PSG1: variants seen among roughly 807,000 people sequenced by gnomAD.
PSG1 encodes the protein pregnancy-specific beta-1-glycoprotein 1.
Under a neutral mutation model 41.4 loss-of-function variants are expected in PSG1, and 60 were observed. The ratio of observed to expected loss-of-function variants is 1.45; its 90% CI spans 1.18 to 1.80. PSG1 has a LOEUF of 1.80. PSG1 is among the 40% of genes most tolerant of loss of function. The pLI is 0.00. For synonymous variants in PSG1, 256 were observed against 192.9 expected (o/e 1.33, Z -2.71); for missense variants, 806 against 516.9 (o/e 1.56, Z -5.42).
At chr19:42,867,979 T>C in intron 5 of PSG1, 122 bp downstream of exon 5, 1 of 1,601,174 alleles carries the variant, frequency 6.2e-7, no homozygotes, top group Non-Finnish European at 8.5e-7. Flanking sequence ...GGAGGAGAAT[T>C]TGGGATTTGC....
chr19:42,868,430 C>T, intron 4 of PSG1, 75 bp from the exon 5 acceptor site: 3 of 1,484,008 alleles, frequency 2.0e-6, no homozygotes, highest in Non-Finnish European at 2.7e-6. Context: ...TAAAGGGACA[C>T]AGTGACCCTC....
chr19:42,868,389 C>A lies in PSG1; in HGVS notation c.989-34G>T, dbSNP rs374598098. ...AAGAGAATAAAGCCACAGGTGATGT[C>A]ATCTGAGGGAAGGGGATGTTCCTGG... On this transcript the variant is annotated intron_variant, in intron 4 of 5. Coordinates refer to ENST00000436291, the MANE Select transcript of PSG1 (RefSeq NM_001184825.2). The A allele has an allele frequency of 6.5e-5, 103 of 1,579,024 alleles. 2 individuals carry two copies. The highest frequency in any genetic ancestry group is 8.1e-5 in the Non-Finnish European group (94 of 1,158,884).
At chr19:42,875,319 A>G (rs1467176654) in intron 2 of PSG1, among the ~76,000 whole-genome samples, 1 of 151,794 alleles carries the variant, frequency 6.6e-6, no homozygotes, top group African/African-American at 2.4e-5. Context: ...GTGAAAGACC[A>G]TGAGATTAAG....
intron 5 of PSG1, 77 bp from the exon 6 acceptor site, chr19:42,867,227 T>G: frequency 1.3e-6 from 1 of 759,086 alleles, no homozygotes; most frequent in Non-Finnish European, 2.4e-6. Flanking sequence ...AGTTTTTATT[T>G]TCCACATAAT....
Position 42,878,155 on chromosome 19 carries a change from G to C in PSG1, c.188C>G (p.Thr63Ser), listed in dbSNP as rs746791751. Residue 63 changes from threonine to serine, a missense_variant, in exon 2 of 6, where the codon ACC becomes AGC. Physicochemically the swap from Thr to Ser is moderately conservative, Grantham distance 58. Transcript: ENST00000436291. Reference sequence around the variant, plus strand: ...TTGCCCTTTGTACCAGATGTAGCCGGTAAGATTCTGGGGCAAATTGTGGAC... The same window carrying C: ...TTGCCCTTTGTACCAGATGTAGCCGCTAAGATTCTGGGGCAAATTGTGGAC... ...LLVHNLPQNL[T>S]GYIWYKGQMR... 1.2e-5 allele frequency: 19 copies of C among 1,612,276 alleles called. No individual in the cohort carries two copies. The highest frequency in any genetic ancestry group is 1.6e-5 in the Non-Finnish European group (19 of 1,179,178).
Position 42,868,331 on chromosome 19 carries a change from T to A in PSG1, c.1013A>T (p.Tyr338Phe), listed in dbSNP as rs765156442. The change falls in exon 5 of 6, where the codon TAC (tyrosine) becomes TTC (phenylalanine). Residue 338 changes from tyrosine (Y) to phenylalanine (F), a missense_variant. Tyr to Phe is a conservative substitution (Grantham distance 22). Transcript: ENST00000436291. The stretch of plus-strand genomic sequence containing the variant: ...TGAACGGTAATAGGTGAATGAAGGG[T>A]AAATTCTGGGGAGGTCTGGACCATC... ...VLYGPDLPRI[Y>F]PSFTYYRSGE... 3.1e-6 allele frequency: 5 copies of A among 1,611,024 alleles called. No homozygotes were observed. Among genetic ancestry groups the A allele is most frequent in the Non-Finnish European group, 4.2e-6 (5 of 1,178,440 alleles).
chr19:42,875,519 G>A (rs1299644269), intron 2 of PSG1, among the ~76,000 whole-genome samples: 1 of 151,558 alleles, frequency 6.6e-6, no homozygotes, highest in Non-Finnish European at 1.5e-5. Context: ...GCAACCGGCT[G>A]ACCTCATCCA....
At chr19:42,867,617 A>C (rs1971185801) in intron 5 of PSG1, 1 of 710,430 alleles carries the variant, frequency 1.4e-6, no homozygotes, top group African/African-American at 1.8e-5. Context: ...ACTTGTGCAA[A>C]TATGTGTATT....
In PSG1 at chr19:42,866,766, A is replaced by G. The variant is rs1971154003; in HGVS notation, c.*368T>C. 2 of 514,300 alleles carry G rather than the reference A, an allele frequency of 3.9e-6. No individual in the cohort carries two copies. Among genetic ancestry groups the G allele is most frequent in the Non-Finnish European group, 7.0e-6 (2 of 284,766 alleles). 31.9% of individuals were successfully genotyped at this position (514,300 alleles called of 1,614,324 possible). ...TATCTGACACTCTGTTGTTACTCTC[A>G]GAAGCTACTACATGTGAAATTCTAA... On this transcript the variant is annotated 3_prime_UTR_variant, in exon 6 of 6. Transcript: ENST00000436291.
At chr19:42,875,994 GA>G (rs1177952727) in intron 2 of PSG1, among the ~76,000 whole-genome samples, 9 of 151,176 alleles carry the variant, frequency 6.0e-5, no homozygotes, top group African/African-American at 2.2e-4. Flanking sequence ...GTGACCTGGG[GA>G]CATTGGCTCG....
In PSG1 at chr19:42,867,705, A is replaced by G. The variant is rs762429148; in HGVS notation, c.1243+396T>C. 7.3e-6 allele frequency: 6 copies of G among 816,346 alleles called. 1 individual carries two copies. The South Asian group carries it at 8.2e-5, about 11-fold the overall frequency. 50.6% of individuals were successfully genotyped at this position (816,346 alleles called of 1,614,324 possible). On this transcript the variant is annotated intron_variant, in intron 5 of 5. Transcript: ENST00000436291. ...GTAGAAAGCAAAAGTAAATGTTTCA[A>G]TTACGGTTCCCAGAAGTATAGTTTA...
At chr19:42,872,463 T>G (rs2122522883) in intron 2 of PSG1, among the ~76,000 whole-genome samples, 1 of 151,804 alleles carries the variant, frequency 6.6e-6, no homozygotes, top group Admixed American at 6.6e-5. Context: ...CAGCTTCCCT[T>G]GCCAAGGACA....
chr19:42,869,380 A>G (rs541664576), intron 3 of PSG1: 27 of 387,050 alleles, frequency 7.0e-5, no homozygotes, highest in South Asian at 3.5e-4. Context: ...TACCTGGAAT[A>G]TGCAACTGCT....
rs866448749 is a variant in PSG1 at position 42,867,024 on chromosome 19, G to A, written c.*110C>T. The stretch of plus-strand genomic sequence containing the variant: ...GCTTCACGTACAAGGGTTTTCCCAT[G>A]AAATTTACATTGAGTTGTCCACCTC... On this transcript the variant is annotated 3_prime_UTR_variant, in exon 6 of 6. Transcript: ENST00000436291. The A allele has an allele frequency of 1.3e-6, 1 of 767,334 alleles. No individual in the cohort carries two copies. Among genetic ancestry groups the A allele is most frequent in the Non-Finnish European group, 2.4e-6 (1 of 417,462 alleles). The allele number at this position is 767,334 out of a possible 1,614,324, so 47.5% of individuals were successfully genotyped here. A position where few individuals can be genotyped will look rare whatever the true frequency, so the allele number is the denominator to read the frequency against.
intron 2 of PSG1, among the ~76,000 whole-genome samples, chr19:42,875,634 A>G (rs1971571302): frequency 6.6e-6 from 1 of 151,174 alleles, no homozygotes; most frequent in Admixed American, 6.6e-5. Context: ...TCACCAAACA[A>G]TCAGCAGTAC....
At chr19:42,869,188 G>C in intron 3 of PSG1, 154 bp from the exon 4 acceptor site, 1 of 1,468,994 alleles carries the variant, frequency 6.8e-7, no homozygotes, top group South Asian at 1.4e-5. Flanking sequence ...GATGCATGAT[G>C]ATCTAAGGGC....
chr19:42,868,046 T>G (rs375052575), intron 5 of PSG1, 55 bp downstream of exon 5: 11 of 1,611,834 alleles, frequency 6.8e-6, no homozygotes, highest in East Asian at 2.2e-5. Flanking sequence ...CTTCTCTGAA[T>G]GCCAGATAGA....
intron 3 of PSG1, among the ~76,000 whole-genome samples, chr19:42,871,482 C>A (rs747010634): frequency 6.6e-6 from 1 of 151,718 alleles, no homozygotes; most frequent in Non-Finnish European, 1.5e-5. Flanking sequence ...AAGTCCCAGC[C>A]AAATCCCCAC....
rs1242640395 is a variant in PSG1, at chr19:42,878,030, C to T, written c.313G>A (p.Ala105Thr). ...YSGRETAYSN[A>T]SLLIQNVTRE... is the part of the protein sequence containing the mutation. Reference sequence around the variant, plus strand: ...GTGACATTCTGGATCAGCAGGGATGCATTGGAATATGCTGTTTCTCGTCCA... The same window carrying T: ...GTGACATTCTGGATCAGCAGGGATGTATTGGAATATGCTGTTTCTCGTCCA... The change falls in exon 2 of 6, where the codon GCA becomes ACA. Residue 105 changes from alanine to threonine, a missense_variant. Physicochemically the swap from Ala to Thr is moderately conservative, Grantham distance 58. Coordinates refer to ENST00000436291, the MANE Select transcript of PSG1 (RefSeq NM_001184825.2). The T allele has an allele frequency of 1.9e-6, 3 of 1,612,346 alleles. 1 individual carries two copies. The highest frequency in any genetic ancestry group is 2.2e-5 in the East Asian group (1 of 44,812).
Sources: allele counts gnomAD v4.1 joint callset (sites outside exome capture counted in the v4.1 genomes callset), GRCh38; gene constraint gnomAD v4.1.1; transcripts MANE v1.5; gene names NCBI Gene and HGNC (gene_info 2026-07-23, HGNC 2026-07-21).